The following CDH13 variants were observed in gnomAD, a reference collection of about 807,000 sequenced individuals.
CDH13 encodes the protein cadherin 13.
A neutral mutation model predicts 63.8 loss-of-function variants in CDH13; 24 were observed. The observed-to-expected ratio is 0.38, with a 90% CI of 0.27 to 0.53. CDH13 has a LOEUF of 0.53. Ranked by LOEUF, CDH13 falls within the 20% of genes least tolerant of loss-of-function variation. CDH13 has a pLI of 0.85. For synonymous variants in CDH13, 503 were observed against 355.3 expected, an observed-to-expected ratio of 1.42 and a Z score of -4.67; for missense variants, 1,049 against 903.1, an observed-to-expected ratio of 1.16 and a Z score of -2.07.
At chr16:82,961,552 A>T (rs1050839421) in intron 2 of CDH13, among the ~76,000 whole-genome samples, 1 of 149,522 alleles carries the variant, frequency 6.7e-6, no homozygotes, top group Non-Finnish European at 1.5e-5. Context: ...TCTTTTGTCC[A>T]TAAGAATAAG....
chr16:83,539,894 G>C (rs2075267778), intron 7 of CDH13, among the ~76,000 whole-genome samples: 1 of 152,120 alleles, frequency 6.6e-6, no homozygotes, highest in African/African-American at 2.4e-5. Flanking sequence ...TCATCTATTA[G>C]GGATATCTCC....
intron 4 of CDH13, among the ~76,000 whole-genome samples, chr16:83,156,442 T>C (rs2037210041): frequency 6.6e-6 from 1 of 152,134 alleles, no homozygotes; most frequent in Non-Finnish European, 1.5e-5. Context: ...ACACACCCCA[T>C]CTACAAAGGC....
At chr16:83,729,082 A>T (rs557448988) in intron 10 of CDH13, 1 of 152,216 alleles carries the variant, frequency 6.6e-6, no homozygotes, top group South Asian at 2.1e-4. Context: ...CATCCTCATG[A>T]CCTCATGTAA....
chr16:83,687,943 C>G (rs1567516551), intron 10 of CDH13, among the ~76,000 whole-genome samples: 1 of 152,188 alleles, frequency 6.6e-6, no homozygotes, highest in Non-Finnish European at 1.5e-5. Flanking sequence ...TTCTTTGGGG[C>G]TCTGTCTTTT....
intron 4 of CDH13, among the ~76,000 whole-genome samples, chr16:83,153,640 T>C (rs899461503): frequency 9.2e-5 from 14 of 152,202 alleles, no homozygotes; most frequent in Admixed American, 1.3e-4. Flanking sequence ...TTGGACTGTT[T>C]TCACTGTCTC....
chr16:82,845,591 T>C (rs186702537), intron 1 of CDH13, among the ~76,000 whole-genome samples: 42 of 152,296 alleles, frequency 2.8e-4, no homozygotes, highest in African/African-American at 9.6e-4. Flanking sequence ...TCAAGGTTTC[T>C]TGGTGTAGAC....
chr16:83,535,751 T>G (rs939654397), intron 7 of CDH13, among the ~76,000 whole-genome samples: 6 of 148,228 alleles, frequency 4.0e-5, no homozygotes, highest in African/African-American at 1.5e-4. Context: ...AGTGAGTGAA[T>G]GGAAGGAAAG....
At chr16:83,601,714 G>A (rs1907813602) in intron 7 of CDH13, among the ~76,000 whole-genome samples, 1 of 152,132 alleles carries the variant, frequency 6.6e-6, no homozygotes, top group South Asian at 2.1e-4. Flanking sequence ...TGCCATCTTT[G>A]TCCTAAGCTC....
intron 4 of CDH13, among the ~76,000 whole-genome samples, chr16:83,193,076 G>A (rs190098367): frequency 6.6e-6 from 1 of 151,954 alleles, no homozygotes; most frequent in African/African-American, 2.4e-5. Context: ...GACTCACTTG[G>A]AGAGTACAAG....
chr16:83,347,452 C>T (rs984550051), intron 6 of CDH13, among the ~76,000 whole-genome samples: 3 of 152,158 alleles, frequency 2.0e-5, no homozygotes, highest in African/African-American at 7.2e-5. Flanking sequence ...GGAGTCAGTG[C>T]ATAACCTGCC....
chr16:83,027,937 T>G (rs1479254565), intron 2 of CDH13, among the ~76,000 whole-genome samples: 2 of 152,234 alleles, frequency 1.3e-5, no homozygotes, highest in Non-Finnish European at 2.9e-5. Flanking sequence ...TGTGCCTGTC[T>G]TTGTTCAACA....
chr16:83,124,616 T>C (rs1030196125), intron 3 of CDH13, among the ~76,000 whole-genome samples: 1 of 151,808 alleles, frequency 6.6e-6, no homozygotes, highest in Non-Finnish European at 1.5e-5. Flanking sequence ...TTTCCTAGGG[T>C]TTCTTCTAGA....
chr16:82,874,859 G>A (rs768572120), intron 2 of CDH13, among the ~76,000 whole-genome samples: 4 of 152,148 alleles, frequency 2.6e-5, no homozygotes, highest in Non-Finnish European at 4.4e-5. Context: ...CTGAAGAGGG[G>A]AAGGAGAATA....
intron 3 of CDH13, among the ~76,000 whole-genome samples, chr16:83,086,578 T>G (rs1233001406): frequency 6.6e-6 from 1 of 152,232 alleles, no homozygotes; most frequent in Non-Finnish European, 1.5e-5. Context: ...CTTGTATAGC[T>G]TAACTTATAA....
chr16:83,570,495 C>T (rs1322082489), intron 7 of CDH13, among the ~76,000 whole-genome samples: 1 of 151,906 alleles, frequency 6.6e-6, no homozygotes, highest in East Asian at 1.9e-4. Context: ...CAAGGAAAAA[C>T]GTACTGCTGC....
At chr16:83,731,292 G>A (rs1359732674) in intron 10 of CDH13, among the ~76,000 whole-genome samples, 1 of 151,888 alleles carries the variant, frequency 6.6e-6, no homozygotes, top group Non-Finnish European at 1.5e-5. Flanking sequence ...CAGTGTATAA[G>A]AGTTCCCTTT....
At chr16:83,567,927 G>C (rs1904299712) in intron 7 of CDH13, among the ~76,000 whole-genome samples, 1 of 152,138 alleles carries the variant, frequency 6.6e-6, no homozygotes, top group African/African-American at 2.4e-5. Context: ...AAATTCTGTT[G>C]CCTCTAACTG....
intron 6 of CDH13, among the ~76,000 whole-genome samples, chr16:83,468,924 C>T (rs2073386919): frequency 6.6e-6 from 1 of 152,178 alleles, no homozygotes; most frequent in Non-Finnish European, 1.5e-5. Flanking sequence ...CCTTTGGATG[C>T]CAGCTGATTC....
chr16:83,411,942 C>A (rs1371307874), intron 6 of CDH13, among the ~76,000 whole-genome samples: 1 of 152,116 alleles, frequency 6.6e-6, no homozygotes, highest in African/African-American at 2.4e-5. Context: ...GCATAAGGAG[C>A]AAATCTGGAA....
Sources: gnomAD v4.1 joint callset for allele counts (sites outside exome capture counted in the v4.1 genomes callset) on GRCh38, gnomAD v4.1.1 for gene constraint, MANE v1.5 for transcripts, NCBI Gene and HGNC (gene_info 2026-07-23, HGNC 2026-07-21) for gene names.